Variants in ASB3 observed in about 807,000 individuals in gnomAD.
ASB3 encodes the protein ankyrin repeat and SOCS box protein 3.
Under a neutral mutation model 54.5 loss-of-function variants are expected in ASB3, and 41 were observed. The observed-to-expected ratio is 0.75, with a 90% CI of 0.59 to 0.98. The LOEUF (loss-of-function observed/expected upper bound fraction) is 0.98, where lower values mean the gene tolerates loss of function less well. Among genes scored for constraint, ASB3 ranks in the 50% least tolerant of loss-of-function variants. The probability of loss-of-function intolerance (pLI) is 0.00; values close to 1 mark genes in which losing one functional copy is unlikely to be tolerated. For missense variants in ASB3, 733 were observed against 620.0 expected, an observed-to-expected ratio of 1.18 and a Z score of -1.94; for synonymous variants, 266 against 221.2, an observed-to-expected ratio of 1.20 and a Z score of -1.80.
chr2:53,721,002 C>G (rs1178417840), intron 5 of ASB3, among the ~76,000 whole-genome samples: 3 of 151,566 alleles, frequency 2.0e-5, no homozygotes, highest in Non-Finnish European at 4.4e-5. Context: ...GCCTGTAATC[C>G]CAGGTACTCA....
At chr2:53,767,789 C>G (rs999796821) in intron 1 of ASB3, 2 of 1,477,324 alleles carry the variant, frequency 1.4e-6, no homozygotes, top group East Asian at 2.5e-5. Context: ...GCGCCTGCGC[C>G]CCGCGCGGCC....
At chr2:53,718,600 C>T (rs1670524461) in intron 5 of ASB3, among the ~76,000 whole-genome samples, 1 of 152,048 alleles carries the variant, frequency 6.6e-6, no homozygotes, top group African/African-American at 2.4e-5. Context: ...ATAATACAAT[C>T]ATACAATAGA....
Position 53,681,886 on chromosome 2 carries a change from G to A in ASB3, c.1370-11196C>T, listed in dbSNP as rs150091762. On this transcript the variant is annotated intron_variant, in intron 9 of 9. Coordinates refer to ENST00000263634, the MANE Select transcript of ASB3 (RefSeq NM_016115.5). The stretch of plus-strand genomic sequence containing the variant: ...TAAATTTTAGGATTGCTGGCTGGGC[G>A]CGGTGGCTCATGCCTGTAATCCCAG... Among the ~76,000 whole-genome samples the A allele has an allele frequency of 6.4e-3, 970 of 152,110 alleles. 12 individuals carry two copies. The highest frequency in any genetic ancestry group is 0.022 in the African/African-American group (902 of 41,486).
chr2:53,728,614 C>A, intron 5 of ASB3, 98 bp downstream of exon 5: 3 of 1,355,494 alleles, frequency 2.2e-6, no homozygotes, highest in Non-Finnish European at 2.9e-6. Flanking sequence ...CCATAAATTT[C>A]ACAACCTGAT....
chr2:53,747,302 T>G (rs956909267), intron 3 of ASB3, among the ~76,000 whole-genome samples: 1 of 152,318 alleles, frequency 6.6e-6, no homozygotes, highest in Non-Finnish European at 1.5e-5. Context: ...TCCCAGCACT[T>G]AGAGAGGCTG....
intron 3 of ASB3, among the ~76,000 whole-genome samples, chr2:53,733,380 C>G (rs1671427574): frequency 6.6e-6 from 1 of 151,686 alleles, no homozygotes; most frequent in South Asian, 2.1e-4. Flanking sequence ...TGAGAAGAAG[C>G]AGGCTTCCTC....
intron 5 of ASB3, among the ~76,000 whole-genome samples, chr2:53,727,915 G>A (rs767755616): frequency 6.6e-6 from 1 of 152,034 alleles, no homozygotes; most frequent in Non-Finnish European, 1.5e-5. Context: ...CAGTAGAGAT[G>A]GGGTTTCGCC....
At chr2:53,726,356 G>A (rs1670992408) in intron 5 of ASB3, among the ~76,000 whole-genome samples, 1 of 151,188 alleles carries the variant, frequency 6.6e-6, no homozygotes, top group Non-Finnish European at 1.5e-5. Flanking sequence ...TACCTCCTGG[G>A]TTTAAGCAAT....
At chr2:53,698,516 T>C (rs572942837) in intron 8 of ASB3, among the ~76,000 whole-genome samples, 1 of 152,204 alleles carries the variant, frequency 6.6e-6, no homozygotes, top group Non-Finnish European at 1.5e-5. Context: ...CAAGTAGCCA[T>C]GCAGCAGCCT....
At chr2:53,762,492 C>T (rs142204816) in intron 2 of ASB3, among the ~76,000 whole-genome samples, 1 of 152,194 alleles carries the variant, frequency 6.6e-6, no homozygotes, top group African/African-American at 2.4e-5. Context: ...TGTTACTGTG[C>T]CCAGTATTAG....
chr2:53,671,985 T>C (rs1667847493), intron 9 of ASB3, among the ~76,000 whole-genome samples: 1 of 152,180 alleles, frequency 6.6e-6, no homozygotes, highest in Non-Finnish European at 1.5e-5. Flanking sequence ...GACCAGCTAG[T>C]CTGATTCCAG....
At chr2:53,766,221 G>A (rs750445007) in intron 1 of ASB3, among the ~76,000 whole-genome samples, 40 of 152,140 alleles carry the variant, frequency 2.6e-4, no homozygotes, top group Non-Finnish European at 1.2e-4. Context: ...ATGAAGAGAT[G>A]AGCCCGGTTT....
At chr2:53,734,261 C>CTCCAGTTTTTTCTCATCAT (rs1671490007) in intron 3 of ASB3, among the ~76,000 whole-genome samples, 1 of 152,184 alleles carries the variant, frequency 6.6e-6, no homozygotes, top group African/African-American at 2.4e-5. Context: ...ATTGTCTCTT[C>CTCCAGTTTTTTCTCATCAT]TCCAGTTTTT....
intron 8 of ASB3, 148 bp downstream of exon 8, chr2:53,700,123 T>C (rs1025025449): frequency 1.3e-5 from 16 of 1,257,658 alleles, no homozygotes; most frequent in Non-Finnish European, 1.7e-5. Context: ...ATCTCATTAT[T>C]AGCAGCCACC....
chr2:53,730,133 G>A (rs1175974908), intron 3 of ASB3, among the ~76,000 whole-genome samples: 1 of 152,180 alleles, frequency 6.6e-6, no homozygotes, highest in Admixed American at 6.5e-5. Flanking sequence ...AATAAAAAAT[G>A]TTGTTAAAGA....
intron 1 of ASB3, among the ~76,000 whole-genome samples, chr2:53,783,522 G>C (rs1176893942): frequency 2.0e-5 from 3 of 151,898 alleles, no homozygotes; most frequent in Admixed American, 2.0e-4. Flanking sequence ...CAAGAAGGAT[G>C]AATGAAAAAA....
intron 1 of ASB3, among the ~76,000 whole-genome samples, chr2:53,778,149 CAAAAAAAAAAAAAAA>C (rs34356077): frequency 9.6e-4 from 60 of 62,634 alleles, no homozygotes; most frequent in African/African-American, 2.7e-3. Flanking sequence ...ATTCTTGTCT[CAAAAAAAAAAAAAAA>C]AAAAAAAAGA....
At chr2:53,755,606 G>GTTTTATTTATGTTTAT (rs1419996000) in intron 2 of ASB3, among the ~76,000 whole-genome samples, 2 of 152,048 alleles carry the variant, frequency 1.3e-5, no homozygotes, top group Non-Finnish European at 2.9e-5. Context: ...GTTTTATTTA[G>GTTTTATTTATGTTTAT]GTATTATAAG....
chr2:53,729,415 C>T (rs1671178878), intron 4 of ASB3, 43 bp downstream of exon 4: 3 of 1,601,904 alleles, frequency 1.9e-6, no homozygotes, highest in Admixed American at 1.7e-5. Flanking sequence ...GAGGGTAAAA[C>T]ACACAATTTA....
Sources: allele counts gnomAD v4.1 joint callset (sites outside exome capture counted in the v4.1 genomes callset), GRCh38; gene constraint gnomAD v4.1.1; transcripts MANE v1.5; gene names NCBI Gene and HGNC (gene_info 2026-07-23, HGNC 2026-07-21).